SIDT1: variants seen among roughly 807,000 people sequenced by gnomAD.
SIDT1 encodes the protein SID1 transmembrane family, member 1.
Under a neutral mutation model 107.5 loss-of-function variants are expected in SIDT1, and 101 were observed. The observed-to-expected ratio is 0.94, with a 90% CI of 0.80 to 1.11. The LOEUF is 1.11. SIDT1 is among the 50% of genes least tolerant of loss of function. The probability of loss-of-function intolerance (pLI) is 0.00; values close to 1 mark genes in which losing one functional copy is unlikely to be tolerated. For missense variants in SIDT1, 1,076 were observed against 1,058.2 expected, an observed-to-expected ratio of 1.02 and a Z score of -0.23; for synonymous variants, 395 against 398.2, an observed-to-expected ratio of 0.99 and a Z score of 0.10.
chr3:113,606,914 G>A, intron 14 of SIDT1, 127 bp from the exon 15 acceptor site: 1 of 671,568 alleles, frequency 1.5e-6, no homozygotes, highest in Non-Finnish European at 2.8e-6. Context: ...CTGTGCAGAG[G>A]AGCACTGGTT....
At chr3:113,563,654 GGAGA>G (rs1440339140) in intron 1 of SIDT1, among the ~76,000 whole-genome samples, 4 of 152,210 alleles carry the variant, frequency 2.6e-5, no homozygotes, top group African/African-American at 4.8e-5. Flanking sequence ...TTCCCAAAAA[GGAGA>G]GAGAAGTACC....
At position 113,538,805 on chromosome 3, in the gene SIDT1, A is replaced by G. The variant is rs564311872; in HGVS notation, c.222+5562A>G. The stretch of plus-strand genomic sequence containing the variant: ...GTAAGCAGTATTTTGGTCGGCAGAA[A>G]GAAAGGGGAAAGGCATTTCAGATAC... On this transcript the variant is annotated intron_variant, in intron 1 of 24. Coordinates refer to ENST00000264852, the MANE Select transcript of SIDT1 (RefSeq NM_017699.3). Among the ~76,000 whole-genome samples the G allele has an allele frequency of 9.1e-4, 138 of 152,326 alleles. 2 individuals carry two copies. The Middle Eastern group carries it at 0.017, about 19-fold the overall frequency.
At chr3:113,581,779 A>G (rs749280218) in intron 6 of SIDT1, 1 of 248,618 alleles carries the variant, frequency 4.0e-6, no homozygotes, top group Non-Finnish European at 7.9e-6. Flanking sequence ...AGGCTGAGGC[A>G]GGAGAGTCTC....
rs73853722 is a variant in SIDT1, at chr3:113,579,121, G to A, written c.562-1487G>A. Among the ~76,000 whole-genome samples, 581 of 152,304 alleles carry A rather than the reference G, an allele frequency of 3.8e-3. 2 individuals carry two copies. Among genetic ancestry groups the A allele is most frequent in the African/African-American group, 0.013 (559 of 41,576 alleles). ...CTATTCCAGGAGTTAGAAGCAGGTT[G>A]CAGAAACTGGGGAGGTAGCCAGGAC... On this transcript the variant is annotated intron_variant, in intron 4 of 24. Coordinates refer to ENST00000264852, the MANE Select transcript of SIDT1 (RefSeq NM_017699.3).
In SIDT1 at chr3:113,603,007, G is replaced by A. The variant is rs777305581; in HGVS notation, c.1120G>A (p.Glu374Lys). The A allele has an allele frequency of 6.2e-7, 1 of 1,613,610 alleles. No homozygotes were observed. The highest frequency in any genetic ancestry group is 8.5e-7 in the Non-Finnish European group (1 of 1,179,786). Residue 374 changes from glutamate (E) to lysine (K), a missense_variant and splice_region_variant, in exon 12 of 25, where the codon GAG becomes AAG. By Grantham distance (56) the Glu-to-Lys change is moderately conservative. Transcript: ENST00000264852. The stretch of plus-strand genomic sequence containing the variant: ...CAGATGAGTTGTCTCTGTTTCAGAT[G>A]AGTCAAGCTCCAGTCCTGGAAGGCA... The part of the protein sequence containing the change: ...PEGSNYGTID[E>K]SSSSPGRQMS...
rs12496348 is a variant in SIDT1 at position 113,593,874 on chromosome 3, T to C, written c.1045+826T>C. ...AGAGTAATTGACTATCCAGCAATTG[T>C]ACTATGCCTTTTCCTCCACTCTGAG... is the stretch of plus-strand genomic sequence containing the variant. On this transcript the variant is annotated intron_variant, in intron 10 of 24. Transcript: ENST00000264852. Among the ~76,000 whole-genome samples, 24 of 152,370 alleles carry C rather than the reference T, an allele frequency of 1.6e-4. No homozygotes were observed. The South Asian group carries it at 5.0e-3, about 32-fold the overall frequency.
intron 3 of SIDT1, among the ~76,000 whole-genome samples, chr3:113,574,316 G>C (rs1942723141): frequency 6.6e-6 from 1 of 152,182 alleles, no homozygotes; most frequent in African/African-American, 2.4e-5. Context: ...GAAAGCTACA[G>C]TCCTGAAGGG....
At chr3:113,601,011 C>G (rs1394811102) in intron 10 of SIDT1, among the ~76,000 whole-genome samples, 1 of 152,186 alleles carries the variant, frequency 6.6e-6, no homozygotes, top group South Asian at 2.1e-4. Context: ...TAGCCAGAAG[C>G]CTTGCTGTCC....
Position 113,608,144 on chromosome 3 carries a change from T to A in SIDT1, c.1529T>A (p.Leu510His). 6.2e-7 allele frequency: 1 copy of A among 1,612,890 alleles called. No individual in the cohort carries two copies. Among genetic ancestry groups the A allele is most frequent in the Non-Finnish European group, 8.5e-7 (1 of 1,179,520 alleles). Residue 510 changes from leucine (L) to histidine (H), a missense_variant, in exon 16 of 25, where the codon CTC becomes CAC. Transcript: ENST00000264852. Reference sequence around the variant, plus strand: ...CTGGGCCACGTGCTTCTGGGCTTCCTCTTCCTGCTGATAGTCTTGCGCCGC... The same window carrying A: ...CTGGGCCACGTGCTTCTGGGCTTCCACTTCCTGCTGATAGTCTTGCGCCGC... ...SNLGHVLLGFLFLLIVLRRDI... is the reference protein window; with the variant it reads ...SNLGHVLLGFHFLLIVLRRDI...
Position 113,623,387 on chromosome 3 carries a change from T to A in SIDT1, c.2091-40T>A, listed in dbSNP as rs1442316194. 2.2e-6 allele frequency: 3 copies of A among 1,357,238 alleles called. No homozygotes were observed. The African/African-American group carries it at 4.3e-5, about 20-fold the overall frequency. 84.1% of individuals were successfully genotyped at this position (1,357,238 alleles called of 1,614,324 possible). ...TTGGAAAAGCCAATAGTGTTACAAA[T>A]CCACCTTCACGGCTGCCCACATTTC... On this transcript the variant is annotated intron_variant, in intron 21 of 24. Coordinates refer to ENST00000264852, the MANE Select transcript of SIDT1 (RefSeq NM_017699.3).
chr3:113,580,198 A>C (rs1943220912), intron 4 of SIDT1, among the ~76,000 whole-genome samples: 1 of 152,184 alleles, frequency 6.6e-6, no homozygotes, highest in South Asian at 2.1e-4. Flanking sequence ...TCTGCTTTTC[A>C]ATATGGAATT....
chr3:113,603,463 T>C (rs949234905), intron 12 of SIDT1, among the ~76,000 whole-genome samples: 7 of 152,160 alleles, frequency 4.6e-5, no homozygotes, highest in African/African-American at 1.7e-4. Flanking sequence ...ATTTGAGGGG[T>C]GTACTGGGGA....
At position 113,580,592 on chromosome 3, in the gene SIDT1, T is replaced by A. The variant is rs368642813; in HGVS notation, c.562-16T>A. 36 of 1,478,798 alleles carry A rather than the reference T, an allele frequency of 2.4e-5. No homozygotes were observed. Among genetic ancestry groups the A allele is most frequent in the African/African-American group, 5.5e-5 (4 of 72,098 alleles). 91.6% of individuals were successfully genotyped at this position (1,478,798 alleles called of 1,614,324 possible). On this transcript the variant is annotated splice_polypyrimidine_tract_variant and intron_variant, in intron 4 of 24. Coordinates refer to ENST00000264852, the MANE Select transcript of SIDT1 (RefSeq NM_017699.3). Reference sequence around the variant, plus strand: ...CATGTAAATATAAATCATGTCTTTCTTTTTCTTATTCTCAGTATTTTCTAT... The same window carrying A: ...CATGTAAATATAAATCATGTCTTTCATTTTCTTATTCTCAGTATTTTCTAT...
intron 14 of SIDT1, 65 bp from the exon 15 acceptor site, chr3:113,606,976 G>A: frequency 9.8e-7 from 1 of 1,017,080 alleles, no homozygotes; most frequent in Non-Finnish European, 1.6e-6. Flanking sequence ...TGCTCTTTGT[G>A]TTCCTGCTGG....
intron 10 of SIDT1, 193 bp from the exon 11 acceptor site, chr3:113,601,395 T>C (rs953430946): frequency 1.1e-5 from 5 of 447,702 alleles, no homozygotes; most frequent in African/African-American, 2.0e-5. Flanking sequence ...CTAATCTTAG[T>C]TGAAGAGCCA....
intron 9 of SIDT1, among the ~76,000 whole-genome samples, chr3:113,586,132 A>G (rs1943725538): frequency 6.6e-6 from 1 of 152,202 alleles, no homozygotes; most frequent in Admixed American, 6.5e-5. Context: ...TCTATCTCCT[A>G]TTCAAAAAAT....
chr3:113,574,671 C>T (rs1318092465), intron 3 of SIDT1, among the ~76,000 whole-genome samples: 1 of 152,046 alleles, frequency 6.6e-6, no homozygotes, highest in Non-Finnish European at 1.5e-5. Context: ...GCCTCTTCTC[C>T]TGACTCCCCT....
chr3:113,626,916 GGGCTCA>G (rs1946894166), intron 24 of SIDT1, among the ~76,000 whole-genome samples: 1 of 152,078 alleles, frequency 6.6e-6, no homozygotes, highest in African/African-American at 2.4e-5. Context: ...CACGCAAAGC[GGGCTCA>G]GGCAGGCCAT....
In SIDT1 at chr3:113,608,110, C is replaced by T. The variant is rs1338965115; in HGVS notation, c.1495C>T (p.Leu499Phe). 3.1e-6 allele frequency: 5 copies of T among 1,608,478 alleles called. No homozygotes were observed. In the Admixed American group the frequency reaches 8.5e-5, roughly 27 times the overall value. ...LGVLSAFNNI[L>F]SNLGHVLLGF... ...TCCCTGTAGTGCCTTCAACAACATT[C>T]TCAGCAATCTGGGCCACGTGCTTCT... is the stretch of plus-strand genomic sequence containing the variant. The change falls in exon 16 of 25, where the codon CTC (leucine) becomes TTC (phenylalanine). Residue 499 changes from leucine (L) to phenylalanine (F), a missense_variant. Leu to Phe is a conservative substitution (Grantham distance 22). Coordinates refer to ENST00000264852, the MANE Select transcript of SIDT1 (RefSeq NM_017699.3).
Sources: allele counts gnomAD v4.1 joint callset (sites outside exome capture counted in the v4.1 genomes callset), GRCh38; gene constraint gnomAD v4.1.1; transcripts MANE v1.5; gene names NCBI Gene and HGNC (gene_info 2026-07-23, HGNC 2026-07-21).